Variants in ADCY2 observed in about 807,000 individuals in gnomAD.
The protein encoded by ADCY2 is adenylate cyclase 2, also known as adenylate cyclase type 2.
A neutral mutation model predicts 125.2 loss-of-function variants in ADCY2; 31 were observed. The observed-to-expected ratio is 0.25, with a 90% CI of 0.19 to 0.33. ADCY2 has a LOEUF of 0.33. Among genes scored for constraint, ADCY2 ranks in the 10% least tolerant of loss-of-function variants. The pLI is 1.00. For missense variants in ADCY2, 904 were observed against 1,418.2 expected, an observed-to-expected ratio of 0.64 and a Z score of 5.82; for synonymous variants, 512 against 548.4, an observed-to-expected ratio of 0.93 and a Z score of 0.93.
chr5:7,596,394 G>A (rs1262504420), intron 3 of ADCY2, among the ~76,000 whole-genome samples: 1 of 152,112 alleles, frequency 6.6e-6, no homozygotes, highest in East Asian at 1.9e-4. Context: ...TATTTACAAT[G>A]GAGTGATCCA....
chr5:7,704,739 GGT>G (rs1741207422), intron 7 of ADCY2, among the ~76,000 whole-genome samples: 7 of 152,042 alleles, frequency 4.6e-5, no homozygotes, highest in East Asian at 3.9e-4. Context: ...TTAGCTGGGC[GGT>G]TTGGCGTGCG....
intron 3 of ADCY2, chr5:7,522,413 G>C (rs181292279): frequency 6.6e-6 from 1 of 152,130 alleles, no homozygotes; most frequent in African/African-American, 2.4e-5. Context: ...GGGATGAAGT[G>C]CAAGAAACAC....
intron 10 of ADCY2, among the ~76,000 whole-genome samples, chr5:7,710,682 C>T (rs116457975): frequency 0.012 from 1,856 of 152,130 alleles, 32 homozygotes; most frequent in African/African-American, 0.042. Flanking sequence ...AGATGCACCA[C>T]GGTAAATTTT....
intron 3 of ADCY2, among the ~76,000 whole-genome samples, chr5:7,588,654 A>G (rs1277675561): frequency 1.3e-5 from 2 of 152,232 alleles, no homozygotes; most frequent in Non-Finnish European, 2.9e-5. Flanking sequence ...GTAAATGAGC[A>G]TGGCTCTGTT....
intron 20 of ADCY2, chr5:7,796,052 C>G (rs184935060): frequency 1.3e-5 from 2 of 152,064 alleles, no homozygotes; most frequent in African/African-American, 4.8e-5. Flanking sequence ...CGCAATACAA[C>G]AAGGTCTACC....
At chr5:7,647,046 G>T (rs894494970) in intron 4 of ADCY2, among the ~76,000 whole-genome samples, 15 of 152,150 alleles carry the variant, frequency 9.9e-5, no homozygotes, top group African/African-American at 3.1e-4. Context: ...AAAGTTTTGT[G>T]CCCTGAAGAA....
intron 3 of ADCY2, among the ~76,000 whole-genome samples, chr5:7,573,294 C>T (rs1179148710): frequency 2.6e-5 from 4 of 152,102 alleles, no homozygotes; most frequent in South Asian, 2.1e-4. Context: ...TTAAAATTCA[C>T]CTTTTGAAAT....
intron 20 of ADCY2, chr5:7,796,365 C>CT (rs939754221): frequency 6.6e-6 from 1 of 152,220 alleles, no homozygotes; most frequent in African/African-American, 2.4e-5. Flanking sequence ...TCCATGGCTT[C>CT]TGGAACAATG....
chr5:7,642,674 C>G (rs1289308368), intron 4 of ADCY2, among the ~76,000 whole-genome samples: 1 of 151,924 alleles, frequency 6.6e-6, no homozygotes, highest in Non-Finnish European at 1.5e-5. Context: ...CCAGACTGTC[C>G]AAGGTCAACA....
intron 10 of ADCY2, among the ~76,000 whole-genome samples, chr5:7,711,566 G>C (rs1397010341): frequency 1.3e-5 from 2 of 152,066 alleles, no homozygotes. Flanking sequence ...TTTCTTATCA[G>C]CCTTTATTGT....
chr5:7,494,869 A>T (rs1220982473), intron 2 of ADCY2, among the ~76,000 whole-genome samples: 3 of 152,210 alleles, frequency 2.0e-5, no homozygotes, highest in Non-Finnish European at 4.4e-5. Context: ...AACTTTAGAC[A>T]GTGGAAAGGG....
At chr5:7,542,091 G>T (rs903989588) in intron 3 of ADCY2, among the ~76,000 whole-genome samples, 6 of 152,052 alleles carry the variant, frequency 3.9e-5, no homozygotes, top group African/African-American at 1.4e-4. Flanking sequence ...AGAGGGAGTG[G>T]CCAAAGATGA....
intron 24 of ADCY2, among the ~76,000 whole-genome samples, chr5:7,821,581 G>A (rs1745302709): frequency 6.6e-6 from 1 of 152,250 alleles, no homozygotes; most frequent in Admixed American, 6.5e-5. Context: ...GCATGAGCAA[G>A]TCAAACTCAA....
chr5:7,568,817 C>T (rs1049875124), intron 3 of ADCY2, among the ~76,000 whole-genome samples: 1 of 152,160 alleles, frequency 6.6e-6, no homozygotes, highest in African/African-American at 2.4e-5. Context: ...TTCTTTGTAG[C>T]CGCGTAGCTT....
chr5:7,691,842 T>C (rs1217463550), intron 5 of ADCY2: 1 of 156,926 alleles, frequency 6.4e-6, no homozygotes, highest in Non-Finnish European at 1.4e-5. Context: ...ACAGGAAGCA[T>C]GACTGGGGAG....
chr5:7,707,589 G>A, intron 8 of ADCY2, 117 bp from the exon 9 acceptor site: 1 of 1,223,294 alleles, frequency 8.2e-7, no homozygotes, highest in South Asian at 1.5e-5. Flanking sequence ...TTTAATTGCG[G>A]TCAGTGCTCC....
chr5:7,792,140 G>A (rs1744267173), intron 20 of ADCY2, among the ~76,000 whole-genome samples: 1 of 149,762 alleles, frequency 6.7e-6, no homozygotes, highest in Non-Finnish European at 1.5e-5. Context: ...GGGAGGCCAA[G>A]GCGTTTGGAT....
At chr5:7,681,917 A>G (rs1185525145) in intron 4 of ADCY2, among the ~76,000 whole-genome samples, 1 of 152,116 alleles carries the variant, frequency 6.6e-6, no homozygotes, top group Non-Finnish European at 1.5e-5. Context: ...CTATTTATGT[A>G]TTGTCCCTTT....
intron 3 of ADCY2, among the ~76,000 whole-genome samples, chr5:7,547,827 C>A (rs368056491): frequency 1.5e-4 from 23 of 152,196 alleles, no homozygotes; most frequent in Non-Finnish European, 2.9e-4. Context: ...AGACTTCTTG[C>A]GGAGGGACTA....
Sources: allele counts gnomAD v4.1 joint callset (sites outside exome capture counted in the v4.1 genomes callset), GRCh38; gene constraint gnomAD v4.1.1; transcripts MANE v1.5; gene names NCBI Gene and HGNC (gene_info 2026-07-23, HGNC 2026-07-21).